Variants in LRRC34 observed in about 807,000 individuals in gnomAD.
The protein encoded by LRRC34 is leucine rich repeat containing 34.
In LRRC34, 44 loss-of-function variants were observed where a neutral mutation model predicts 48.5. That is an observed-to-expected ratio of 0.91 (90% CI 0.71 to 1.17). The LOEUF is 1.17. LRRC34 is among the 50% of genes most tolerant of loss of function. The pLI is 0.00. For synonymous variants in LRRC34, 192 were observed against 197.6 expected (o/e 0.97, Z 0.24); for missense variants, 502 against 563.0 (o/e 0.89, Z 1.10).
At chr3:169,798,798 C>G (rs1300547033) in intron 7 of LRRC34, among the ~76,000 whole-genome samples, 1 of 152,052 alleles carries the variant, frequency 6.6e-6, no homozygotes, top group African/African-American at 2.4e-5. Context: ...GAGAACCTCC[C>G]TACCACACTC....
Position 169,807,444 on chromosome 3 carries a change from A to C in LRRC34, c.426T>G (p.Tyr142Ter). ...ATAATACCTGAAGCAGTTTCGCAGC[A>C]TAGTATGCACCAACATCACATAGAA... ...YNLLCDVGAYYAAKLLQKQLN... is the reference protein window; with the variant it reads ...YNLLCDVGAY Residue 142 changes from tyrosine to a stop codon, truncating the protein, a stop_gained, in exon 4 of 11, where the codon TAT becomes TAG. Transcript: ENST00000446859. LOFTEE classifies it high-confidence loss of function. 6.2e-7 allele frequency: 1 copy of C among 1,614,058 alleles called. No individual in the cohort carries two copies. Among genetic ancestry groups the C allele is most frequent in the Non-Finnish European group, 8.5e-7 (1 of 1,179,962 alleles).
intron 9 of LRRC34, 108 bp from the exon 10 acceptor site, chr3:169,795,719 G>A: frequency 3.6e-6 from 5 of 1,403,196 alleles, no homozygotes; most frequent in South Asian, 3.4e-5. Flanking sequence ...GTAATGTAGT[G>A]GTAAAAATAC....
rs530337394 is a variant in LRRC34 at position 169,793,165 on chromosome 3, A to G, written c.*470T>C. 1.1e-4 allele frequency among the ~76,000 whole-genome samples: 16 copies of G among 152,282 alleles called. No homozygotes were observed. The highest frequency in any genetic ancestry group is 1.8e-4 in the Non-Finnish European group (12 of 68,024). ...TATATGTTTATATATATTTGCCTGT[A>G]TTTATGAAATTGTTAGTAACACCTG... On this transcript the variant is annotated 3_prime_UTR_variant, in exon 11 of 11. Coordinates refer to ENST00000446859, the MANE Select transcript of LRRC34 (RefSeq NM_001172779.2).
chr3:169,800,794 T>C, intron 6 of LRRC34, 40 bp from the exon 7 acceptor site: 1 of 1,228,362 alleles, frequency 8.1e-7, no homozygotes. Flanking sequence ...AGACAAAGTA[T>C]ATAATAATCT....
At chr3:169,795,732 A>AC (rs1486551301) in intron 9 of LRRC34, 121 bp from the exon 10 acceptor site, 3 of 1,368,970 alleles carry the variant, frequency 2.2e-6, no homozygotes, top group Admixed American at 6.2e-5. Context: ...AAAAATACTG[A>AC]CCATTTAATT....
At chr3:169,807,302 C>T (rs574807108) in intron 4 of LRRC34, 124 bp downstream of exon 4, 3 of 899,220 alleles carry the variant, frequency 3.3e-6, no homozygotes, top group South Asian at 1.6e-5. Flanking sequence ...CAGTATATTT[C>T]GAGTGTTCTA....
chr3:169,795,032 C>T (rs1576730464), intron 10 of LRRC34: 1 of 152,192 alleles, frequency 6.6e-6, no homozygotes, highest in African/African-American at 2.4e-5. Context: ...AGAATTTTAA[C>T]ATCTACTTTT....
chr3:169,806,015 T>A (rs1779359709), intron 5 of LRRC34, among the ~76,000 whole-genome samples: 1 of 152,154 alleles, frequency 6.6e-6, no homozygotes, highest in South Asian at 2.1e-4. Flanking sequence ...AGGACACATT[T>A]CTTGATTTTA....
intron 7 of LRRC34, among the ~76,000 whole-genome samples, chr3:169,798,559 A>G (rs893261225): frequency 6.6e-6 from 1 of 152,162 alleles, no homozygotes; most frequent in African/African-American, 2.4e-5. Flanking sequence ...GAGAAGAACA[A>G]AACAGACTAG....
At chr3:169,801,961 G>A (rs958627764) in intron 6 of LRRC34, among the ~76,000 whole-genome samples, 10 of 151,916 alleles carry the variant, frequency 6.6e-5, no homozygotes, top group East Asian at 1.9e-4. Flanking sequence ...AACACCATGC[G>A]TGGCTAAATT....
chr3:169,804,919 G>A (rs573488132), intron 5 of LRRC34, among the ~76,000 whole-genome samples: 129 of 152,166 alleles, frequency 8.5e-4, no homozygotes, highest in African/African-American at 2.8e-3. Context: ...CATCATCCCC[G>A]AAGCCGGTCC....
chr3:169,801,682 A>G (rs1779198439), intron 6 of LRRC34, among the ~76,000 whole-genome samples: 1 of 152,178 alleles, frequency 6.6e-6, no homozygotes, highest in South Asian at 2.1e-4. Context: ...GGCACTCTTA[A>G]CTTTGTCTGC....
rs762418016 is a variant in LRRC34 at position 169,807,669 on chromosome 3, G to T, written c.298C>A (p.Arg100Ser). 10 of 1,525,130 alleles carry T rather than the reference G, an allele frequency of 6.6e-6. No homozygotes were observed. Among genetic ancestry groups the T allele is most frequent in the Admixed American group, 1.8e-5 (1 of 54,096 alleles). 94.5% of individuals were successfully genotyped at this position (1,525,130 alleles called of 1,614,324 possible). ...GTAACTCTTTCTACTGGCACTAAGC[G>T]ATTGTTACCAGCAATGTTTAATGTG... The part of the protein sequence containing the change: ...GITLNIAGNN[R>S]LVPVERVTGE... The change falls in exon 3 of 11, where the codon CGC (arginine) becomes AGC (serine). Residue 100 changes from arginine to serine, a missense_variant. Physicochemically the swap from Arg to Ser is moderately radical, Grantham distance 110. Transcript: ENST00000446859.
At chr3:169,811,343 T>C (rs1184533373) in intron 1 of LRRC34, among the ~76,000 whole-genome samples, 1 of 152,252 alleles carries the variant, frequency 6.6e-6, no homozygotes, top group Non-Finnish European at 1.5e-5. Context: ...AACAAAGTTA[T>C]GGAAATATTC....
intron 10 of LRRC34, 23 bp from the exon 11 acceptor site, chr3:169,793,861 T>C: frequency 6.5e-7 from 1 of 1,527,848 alleles, no homozygotes; most frequent in Non-Finnish European, 8.9e-7. Flanking sequence ...GGAAAAAAAC[T>C]ATATCATTAA....
intron 7 of LRRC34, among the ~76,000 whole-genome samples, chr3:169,797,744 G>A (rs1779044424): frequency 6.6e-6 from 1 of 152,096 alleles, no homozygotes; most frequent in Non-Finnish European, 1.5e-5. Context: ...AAACCACATA[G>A]CAATAGCAGA....
chr3:169,795,803 T>G (rs1360521167), intron 9 of LRRC34, 192 bp from the exon 10 acceptor site: 10 of 1,261,432 alleles, frequency 7.9e-6, no homozygotes, highest in Non-Finnish European at 1.0e-5. Context: ...TAGAGCTAAC[T>G]ACATTTTGAA....
rs1415382831 is a variant in LRRC34, at chr3:169,800,082, T to A, written c.753+577A>T. 2.0e-5 allele frequency among the ~76,000 whole-genome samples: 3 copies of A among 152,346 alleles called. No individual in the cohort carries two copies. The East Asian group carries it at 5.8e-4, about 29-fold the overall frequency. The stretch of plus-strand genomic sequence containing the variant: ...ATTTACTTTTCCTAATAGTTAGATA[T>A]ATGTTTTTGTTTATACCAATAATAA... On this transcript the variant is annotated intron_variant, in intron 7 of 10. Transcript: ENST00000446859.
At chr3:169,806,818 A>C (rs531210313) in intron 5 of LRRC34, 30 bp downstream of exon 5, 3 of 1,408,570 alleles carry the variant, frequency 2.1e-6, no homozygotes, top group East Asian at 4.6e-5. Flanking sequence ...TTCCAAATAC[A>C]ATGTTAGTTT....
Sources: gnomAD v4.1 joint callset for allele counts (sites outside exome capture counted in the v4.1 genomes callset) on GRCh38, gnomAD v4.1.1 for gene constraint, MANE v1.5 for transcripts, NCBI Gene and HGNC (gene_info 2026-07-23, HGNC 2026-07-21) for gene names.